Variants in ANG observed in about 807,000 individuals in gnomAD.
ANG encodes the protein angiogenin.
For missense variants in ANG, 178 were observed against 187.4 expected (o/e 0.95, Z 0.29); for synonymous variants, 74 against 73.8 (o/e 1.00, Z -0.02).
rs1455948494 is a variant in ANG at position 20,694,006 on chromosome 14, T to C, written c.442T>C (p.Ter148GlnextTer?). 6.2e-7 allele frequency: 1 copy of C among 1,614,018 alleles called. No individual in the cohort carries two copies. Among genetic ancestry groups the C allele is most frequent in the Admixed American group, 1.7e-5 (1 of 59,998 alleles). Residue 148 changes from the stop codon to glutamine, a stop_lost, in exon 2 of 2, where the codon TAA becomes CAA. Coordinates refer to ENST00000397990, the MANE Select transcript of ANG (RefSeq NM_001097577.3). ...HLDQSIFRRP[*>Q] ...GGATCAGTCAATTTTCCGTCGTCCG[T>C]AACCAGCGGGCCCCTGGTCAAGTGC...
chr14:20,693,463 G>A, intron 1 of ANG, 84 bp from the exon 2 acceptor site: 5 of 1,554,010 alleles, frequency 3.2e-6, no homozygotes, highest in Middle Eastern at 4.6e-4. Context: ...ATGATGCCGT[G>A]TCAGAGAGCA....
In ANG at chr14:20,694,004, C is replaced by T. The variant is rs377472145; in HGVS notation, c.440C>T (p.Pro147Leu). Reference sequence around the variant, plus strand: ...TTGGATCAGTCAATTTTCCGTCGTCCGTAACCAGCGGGCCCCTGGTCAAGT... The same window carrying T: ...TTGGATCAGTCAATTTTCCGTCGTCTGTAACCAGCGGGCCCCTGGTCAAGT... Reference protein sequence around the residue: ...VHLDQSIFRRP With the variant: ...VHLDQSIFRRL The change falls in exon 2 of 2, where the codon CCG (proline) becomes CTG (leucine). Residue 147 changes from proline to leucine, a missense_variant. Coordinates refer to ENST00000397990, the MANE Select transcript of ANG (RefSeq NM_001097577.3). 2.9e-5 allele frequency: 47 copies of T among 1,613,992 alleles called. No homozygotes were observed. Among genetic ancestry groups the T allele is most frequent in the Non-Finnish European group, 3.9e-5 (46 of 1,180,036 alleles).
intron 1 of ANG, among the ~76,000 whole-genome samples, chr14:20,691,502 T>G (rs1886745161): frequency 6.6e-6 from 1 of 152,238 alleles, no homozygotes; most frequent in Admixed American, 6.5e-5. Context: ...GCAGCTATAC[T>G]GGAGCAGCTG....
At chr14:20,691,381 T>C (rs1347797994) in intron 1 of ANG, among the ~76,000 whole-genome samples, 2 of 152,184 alleles carry the variant, frequency 1.3e-5, no homozygotes, top group Admixed American at 1.3e-4. Context: ...TACAAATCAA[T>C]AAAACTTTAA....
upstream of ANG, among the ~76,000 whole-genome samples, chr14:20,686,410 GT>G (rs1886429203): frequency 1.3e-5 from 2 of 152,238 alleles, no homozygotes; most frequent in South Asian, 4.1e-4. Context: ...ATTGGTCACT[GT>G]GACTCAAATT....
upstream of ANG, among the ~76,000 whole-genome samples, chr14:20,688,499 T>C (rs1274675878): frequency 6.6e-6 from 1 of 152,126 alleles, no homozygotes; most frequent in African/African-American, 2.4e-5. Flanking sequence ...TATGTGTGAA[T>C]AGGGAAACCT....
chr14:20,691,001 G>A (rs1357515242), intron 1 of ANG, among the ~76,000 whole-genome samples: 1 of 152,174 alleles, frequency 6.6e-6, no homozygotes, highest in African/African-American at 2.4e-5. Flanking sequence ...TGAACTTTGT[G>A]GCTTTTACTT....
upstream of ANG, among the ~76,000 whole-genome samples, chr14:20,686,615 A>T (rs1021215973): frequency 6.6e-6 from 1 of 152,250 alleles, no homozygotes; most frequent in South Asian, 2.1e-4. Flanking sequence ...GAGTTGGTTG[A>T]AAAGCAAATG....
upstream of ANG, among the ~76,000 whole-genome samples, chr14:20,688,280 T>C (rs1429945959): frequency 2.0e-5 from 3 of 152,310 alleles, no homozygotes; most frequent in Non-Finnish European, 4.4e-5. Context: ...TTCCTGGCTG[T>C]ATGAAATCGA....
intron 1 of ANG, among the ~76,000 whole-genome samples, chr14:20,691,138 T>C (rs1467281912): frequency 6.6e-6 from 1 of 152,222 alleles, no homozygotes; most frequent in East Asian, 1.9e-4. Context: ...CCACAAGTTA[T>C]ACAGCATTGG....
intron 1 of ANG, among the ~76,000 whole-genome samples, chr14:20,692,227 A>C (rs886806039): frequency 6.6e-6 from 1 of 152,226 alleles, no homozygotes; most frequent in African/African-American, 2.4e-5. Flanking sequence ...AGAATTTCTC[A>C]GTATGTGTGA....
chr14:20,689,543 C>G (rs1886598248), intron 1 of ANG, among the ~76,000 whole-genome samples: 2 of 152,144 alleles, frequency 1.3e-5, no homozygotes, highest in South Asian at 4.1e-4. Flanking sequence ...GAATACTGAA[C>G]ATTGCCTGTG....
At chr14:20,689,941 C>T (rs1229263522) in intron 1 of ANG, among the ~76,000 whole-genome samples, 1 of 144,002 alleles carries the variant, frequency 6.9e-6, no homozygotes, top group Non-Finnish European at 1.5e-5. Context: ...ACAGGCCGGG[C>T]GCGGTGGCTC....
intron 1 of ANG, among the ~76,000 whole-genome samples, chr14:20,690,685 G>A (rs537266601): frequency 6.6e-6 from 1 of 152,282 alleles, no homozygotes; most frequent in Non-Finnish European, 1.5e-5. Flanking sequence ...TATGTTTAAT[G>A]AGAACCATGA....
At chr14:20,684,198 G>C (rs117466368), upstream of ANG, 3,868 of 152,384 alleles carry the variant, frequency 0.025, 68 homozygotes, top group South Asian at 0.042. Context: ...GAAAGCAGCA[G>C]CGAATAAGTA....
At chr14:20,692,116 CTT>C (rs1886787846) in intron 1 of ANG, among the ~76,000 whole-genome samples, 1 of 152,208 alleles carries the variant, frequency 6.6e-6, no homozygotes, top group Admixed American at 6.5e-5. Flanking sequence ...AATTTAATGT[CTT>C]TGAAAATGTA....
At chr14:20,693,129 G>A (rs1454922713) in intron 1 of ANG, among the ~76,000 whole-genome samples, 3 of 152,188 alleles carry the variant, frequency 2.0e-5, no homozygotes, top group African/African-American at 7.2e-5. Context: ...TTACAGGCGT[G>A]AGCCACCGCG....
chr14:20,688,629 TTAA>T (rs1207347540), upstream of ANG: 1 of 923,956 alleles, frequency 1.1e-6, no homozygotes, highest in African/African-American at 1.8e-5. Context: ...TTCAGGTGGG[TTAA>T]TATCTAACCC....
Position 20,690,599 on chromosome 14 carries a change from A to T in ANG, c.-19+1725A>T, listed in dbSNP as rs142205958. Among the ~76,000 whole-genome samples the T allele has an allele frequency of 5.7e-4, 87 of 152,296 alleles. No homozygotes were observed. In the East Asian group the frequency reaches 0.013, roughly 23 times the overall value. Reference sequence around the variant, plus strand: ...AGGGAATCAAGATTACAGGCCCCCAACTAAACTTATACAAAATTTGTCTCT... The same window carrying T: ...AGGGAATCAAGATTACAGGCCCCCATCTAAACTTATACAAAATTTGTCTCT... On this transcript the variant is annotated intron_variant, in intron 1 of 1. Coordinates refer to ENST00000397990, the MANE Select transcript of ANG (RefSeq NM_001097577.3).
Sources: gnomAD v4.1 joint callset for allele counts (sites outside exome capture counted in the v4.1 genomes callset) on GRCh38, gnomAD v4.1.1 for gene constraint, MANE v1.5 for transcripts, NCBI Gene and HGNC (gene_info 2026-07-23, HGNC 2026-07-21) for gene names.